The following RTL4 variants were observed in gnomAD, a reference collection of about 807,000 sequenced individuals.
RTL4 encodes retrotransposon Gag like 4.
RTL4 carries 4 observed loss-of-function variants against 5.3 expected under a neutral mutation model. That is an observed-to-expected ratio of 0.75 (90% CI 0.37 to 1.72). The LOEUF (loss-of-function observed/expected upper bound fraction) is 1.72. RTL4 is among the 40% of genes most tolerant of loss of function. RTL4 has a pLI of 0.04. For missense variants in RTL4, 260 were observed against 227.1 expected (o/e 1.14, Z -0.93); for synonymous variants, 98 against 87.3 (o/e 1.12, Z -0.68).
chrX:112,417,214 T>A, the RTL4 span, among the ~76,000 whole-genome samples: 1 of 111,578 alleles, frequency 9.0e-6, no homozygotes, highest in Non-Finnish European at 1.9e-5. Context: ...TCTTCAGAAG[T>A]GGGCACAGAT....
chrX:112,187,766 A>C, the RTL4 span, among the ~76,000 whole-genome samples: 1 of 111,685 alleles, frequency 9.0e-6, no homozygotes, highest in South Asian at 3.8e-4. Flanking sequence ...GTGCAGGTGA[A>C]TAACCTCCAA....
At chrX:112,301,469 CAT>C in the RTL4 span, among the ~76,000 whole-genome samples, 25,756 of 110,456 alleles carry the variant, frequency 0.23, 2,422 homozygotes, top group Admixed American at 0.34. Flanking sequence ...ATAAAGAAAA[CAT>C]ATGTCATAGC....
At chrX:112,114,209 C>A in the RTL4 span, among the ~76,000 whole-genome samples, 134 of 111,300 alleles carry the variant, frequency 1.2e-3, no homozygotes, top group African/African-American at 4.2e-3. Context: ...TTTCCTAATT[C>A]TCCTTAGTCC....
chrX:112,367,430 A>G, the RTL4 span, among the ~76,000 whole-genome samples: 1 of 111,901 alleles, frequency 8.9e-6, no homozygotes, highest in Non-Finnish European at 1.9e-5. Flanking sequence ...AAAGCGCCAC[A>G]CTGTGCTTAA....
At chrX:112,219,973 C>T in the RTL4 span, among the ~76,000 whole-genome samples, 1 of 111,708 alleles carries the variant, frequency 9.0e-6, no homozygotes, top group African/African-American at 3.3e-5. Flanking sequence ...CCTTCTCCTC[C>T]TCTGGGTGTT....
the RTL4 span, among the ~76,000 whole-genome samples, chrX:112,095,909 C>G: frequency 8.1e-5 from 9 of 111,766 alleles, no homozygotes; most frequent in Non-Finnish European, 1.7e-4. Context: ...GGAAGTTGAG[C>G]ACTTAAAGTT....
chrX:112,342,958 A>G, the RTL4 span, among the ~76,000 whole-genome samples: 687 of 111,349 alleles, frequency 6.2e-3, 1 homozygote, highest in Non-Finnish European at 0.011. Context: ...AAAATTAGCC[A>G]GGTGTGGTGG....
At chrX:112,307,498 G>T in the RTL4 span, among the ~76,000 whole-genome samples, 1 of 112,072 alleles carries the variant, frequency 8.9e-6, no homozygotes, top group Non-Finnish European at 1.9e-5. Flanking sequence ...TAACTTCATA[G>T]CAATTTCTTT....
At chrX:112,160,581 G>A in the RTL4 span, among the ~76,000 whole-genome samples, 2 of 111,721 alleles carry the variant, frequency 1.8e-5, no homozygotes, top group Non-Finnish European at 3.8e-5. Context: ...AAATGCCATG[G>A]GGAAGGGAGG....
chrX:112,083,019 T>G, the RTL4 span, among the ~76,000 whole-genome samples: 1 of 110,032 alleles, frequency 9.1e-6, no homozygotes, highest in South Asian at 3.8e-4. Context: ...AGCTCCTGCC[T>G]TCTTTGCAGC....
At chrX:112,407,508 C>T in the RTL4 span, among the ~76,000 whole-genome samples, 1,628 of 112,331 alleles carry the variant, frequency 0.014, 11 homozygotes, top group Non-Finnish European at 0.025. Context: ...AGGTAGACTA[C>T]TAAGGTTTTT....
the RTL4 span, among the ~76,000 whole-genome samples, chrX:112,120,989 G>A: frequency 9.0e-6 from 1 of 111,092 alleles, no homozygotes; most frequent in Non-Finnish European, 1.9e-5. Context: ...CCTACCAGAG[G>A]GTGGAGGTTG....
chrX:112,119,089 C>A, the RTL4 span, among the ~76,000 whole-genome samples: 6 of 105,977 alleles, frequency 5.7e-5, no homozygotes, highest in Non-Finnish European at 1.2e-4. Flanking sequence ...AACTCCTGGG[C>A]TCAAGTGATC....
the RTL4 span, among the ~76,000 whole-genome samples, chrX:112,390,108 TA>T: frequency 9.6e-4 from 1 of 1,041 alleles, no homozygotes; most frequent in African/African-American, 2.5e-3. Context: ...TTATATATAA[TA>T]TATATATATA....
the RTL4 span, among the ~76,000 whole-genome samples, chrX:112,407,388 G>A: frequency 9.0e-6 from 1 of 111,608 alleles, no homozygotes; most frequent in African/African-American, 3.3e-5. Flanking sequence ...GCCTGTGGTG[G>A]CAGTAACCAT....
At chrX:112,146,251 GAAGA>G in the RTL4 span, among the ~76,000 whole-genome samples, 11 of 111,460 alleles carry the variant, frequency 9.9e-5, no homozygotes, top group African/African-American at 3.6e-4. Flanking sequence ...GGGATGGAAG[GAAGA>G]GAGAAAGGTG....
At chrX:112,406,666 C>G in the RTL4 span, among the ~76,000 whole-genome samples, 1 of 110,971 alleles carries the variant, frequency 9.0e-6, no homozygotes, top group African/African-American at 3.3e-5. Flanking sequence ...GAGACACCAA[C>G]TGAAGTGGCT....
chrX:112,304,837 T>C, the RTL4 span, among the ~76,000 whole-genome samples: 8 of 109,165 alleles, frequency 7.3e-5, no homozygotes, highest in African/African-American at 2.7e-4. Context: ...TCATGCTTCT[T>C]TCCTCCCATC....
At chrX:112,142,137 T>C in the RTL4 span, among the ~76,000 whole-genome samples, 3 of 112,277 alleles carry the variant, frequency 2.7e-5, no homozygotes, top group Non-Finnish European at 3.8e-5. Context: ...AACTTGGTCT[T>C]TCATACAAAT....
Sources: gnomAD v4.1 joint callset for allele counts (sites outside exome capture counted in the v4.1 genomes callset) on GRCh38, gnomAD v4.1.1 for gene constraint, MANE v1.5 for transcripts, NCBI Gene and HGNC (gene_info 2026-07-23, HGNC 2026-07-21) for gene names.